RNGTT: variants seen among roughly 807,000 people sequenced by gnomAD.
RNGTT encodes RNA guanylyltransferase and 5'-phosphatase.
Under a neutral mutation model 79.3 loss-of-function variants are expected in RNGTT, and 33 were observed. The ratio of observed to expected loss-of-function variants is 0.42; its 90% CI spans 0.32 to 0.56. RNGTT has a LOEUF of 0.56. Ranked by LOEUF, RNGTT falls within the 20% of genes least tolerant of loss-of-function variation. RNGTT has a pLI of 0.17. For missense variants in RNGTT, 497 were observed against 739.1 expected (o/e 0.67, Z 3.80); for synonymous variants, 222 against 235.9 (o/e 0.94, Z 0.54).
intron 12 of RNGTT, among the ~76,000 whole-genome samples, chr6:88,773,429 C>G (rs1260543229): frequency 6.7e-6 from 1 of 149,856 alleles, no homozygotes; most frequent in African/African-American, 2.5e-5. Flanking sequence ...ATGTAACTAA[C>G]CTGCACATTG....
Position 88,611,714 on chromosome 6 carries a change from C to G in RNGTT, c.*1005G>C, listed in dbSNP as rs1203989620. 1 of 152,610 alleles carries G rather than the reference C, an allele frequency of 6.6e-6. No homozygotes were observed. The highest frequency in any genetic ancestry group is 2.4e-5 in the African/African-American group (1 of 41,460). The allele number at this position is 152,610 out of a possible 1,614,324, so 9.5% of individuals were successfully genotyped here. A position where few individuals can be genotyped will look rare whatever the true frequency, so the allele number is the denominator to read the frequency against. On this transcript the variant is annotated 3_prime_UTR_variant, in exon 16 of 16. Coordinates refer to ENST00000369485, the MANE Select transcript of RNGTT (RefSeq NM_003800.5). ...CTGCATTTATCTAGCAGTGGGAGAG[C>G]ATTTTCTGGTGACAGCATTCTATTC...
chr6:88,735,868 G>C (rs1582398821), intron 13 of RNGTT, among the ~76,000 whole-genome samples: 1 of 151,926 alleles, frequency 6.6e-6, no homozygotes, highest in East Asian at 1.9e-4. Flanking sequence ...GAACAACAGA[G>C]AATATCAATA....
intron 14 of RNGTT, among the ~76,000 whole-genome samples, chr6:88,656,815 C>A (rs1277321453): frequency 2.0e-5 from 3 of 151,330 alleles, no homozygotes; most frequent in East Asian, 1.9e-4. Flanking sequence ...GAAGGCCAGG[C>A]ACAGTGGCTC....
chr6:88,756,790 C>T (rs563966360), intron 13 of RNGTT, among the ~76,000 whole-genome samples: 58 of 152,076 alleles, frequency 3.8e-4, no homozygotes, highest in Non-Finnish European at 6.9e-4. Context: ...AAAAACATGG[C>T]TTTGGGGTTT....
chr6:88,834,200 T>C (rs1780983906), intron 11 of RNGTT, among the ~76,000 whole-genome samples: 1 of 145,138 alleles, frequency 6.9e-6, no homozygotes, highest in African/African-American at 2.4e-5. Flanking sequence ...ATATATGGCA[T>C]GAGATACAAT....
intron 13 of RNGTT, among the ~76,000 whole-genome samples, chr6:88,736,799 T>C (rs936321154): frequency 3.9e-5 from 6 of 152,224 alleles, no homozygotes; most frequent in Admixed American, 2.0e-4. Context: ...GCAGACTTCA[T>C]GGATTCTACA....
intron 1 of RNGTT, among the ~76,000 whole-genome samples, chr6:88,955,585 A>C (rs774842449): frequency 5.9e-4 from 89 of 151,422 alleles, no homozygotes; most frequent in Non-Finnish European, 2.9e-5. Flanking sequence ...AAAACATCTG[A>C]AGGAGCACAA....
chr6:88,860,963 G>C (rs556192864), intron 8 of RNGTT, among the ~76,000 whole-genome samples: 2 of 152,098 alleles, frequency 1.3e-5, no homozygotes, highest in Admixed American at 6.6e-5. Context: ...AATACCAAGG[G>C]TTACATAATA....
chr6:88,685,786 C>T (rs1165231787), intron 13 of RNGTT, among the ~76,000 whole-genome samples: 2 of 151,924 alleles, frequency 1.3e-5, no homozygotes, highest in African/African-American at 4.8e-5. Flanking sequence ...GAGAAGCTAA[C>T]TTTTTCAATT....
chr6:88,837,919 TA>T (rs1781136583), intron 11 of RNGTT, among the ~76,000 whole-genome samples: 1 of 152,158 alleles, frequency 6.6e-6, no homozygotes, highest in Non-Finnish European at 1.5e-5. Context: ...TGCCACAATT[TA>T]AAACTGTATT....
intron 6 of RNGTT, among the ~76,000 whole-genome samples, chr6:88,892,349 T>C (rs139120271): frequency 3.9e-5 from 6 of 152,202 alleles, no homozygotes; most frequent in Admixed American, 1.3e-4. Flanking sequence ...AGGCCTACAC[T>C]ATACCAACCA....
intron 8 of RNGTT, among the ~76,000 whole-genome samples, chr6:88,855,791 T>A (rs938910540): frequency 1.3e-5 from 2 of 152,184 alleles, no homozygotes; most frequent in African/African-American, 2.4e-5. Flanking sequence ...GAATACTTAG[T>A]TCGCAAGACC....
chr6:88,615,739 T>A (rs1227992410), intron 14 of RNGTT, among the ~76,000 whole-genome samples: 1 of 152,168 alleles, frequency 6.6e-6, no homozygotes, highest in African/African-American at 2.4e-5. Context: ...ATTTCTAAAA[T>A]GGGGAACAAG....
intron 12 of RNGTT, among the ~76,000 whole-genome samples, chr6:88,785,478 A>G (rs997087681): frequency 1.3e-5 from 2 of 151,938 alleles, no homozygotes; most frequent in African/African-American, 2.4e-5. Context: ...CTGTGCTCTA[A>G]AAGATGAACA....
At chr6:88,751,998 A>G (rs1481720087) in intron 13 of RNGTT, among the ~76,000 whole-genome samples, 1 of 151,932 alleles carries the variant, frequency 6.6e-6, no homozygotes, top group African/African-American at 2.4e-5. Flanking sequence ...GAATAGAGTA[A>G]CCTCTTCCAT....
intron 14 of RNGTT, among the ~76,000 whole-genome samples, chr6:88,664,841 A>G (rs1774335912): frequency 1.3e-5 from 2 of 152,194 alleles, no homozygotes; most frequent in South Asian, 4.1e-4. Context: ...GGGCAAGGAC[A>G]TTAAGTTTCT....
intron 11 of RNGTT, among the ~76,000 whole-genome samples, chr6:88,828,494 G>A (rs376912894): frequency 1.3e-5 from 2 of 152,128 alleles, no homozygotes; most frequent in African/African-American, 4.8e-5. Context: ...TCCTCCAAAG[G>A]ATCACAACTC....
At chr6:88,737,499 C>T (rs943096403) in intron 13 of RNGTT, among the ~76,000 whole-genome samples, 1 of 152,074 alleles carries the variant, frequency 6.6e-6, no homozygotes, top group African/African-American at 2.4e-5. Context: ...ATGTCTGTCC[C>T]CCCTCCCCAA....
rs79991879 is a variant in RNGTT at position 88,659,009 on chromosome 6, C to T, written c.1506+19344G>A. Among the ~76,000 whole-genome samples the T allele has an allele frequency of 5.9e-4, 90 of 152,306 alleles. No homozygotes were observed. In the East Asian group the frequency reaches 0.01, roughly 17 times the overall value. The stretch of plus-strand genomic sequence containing the variant: ...GCCTATTGTGGGACTTCACTGTGAT[C>T]GTGTGAGTCAATTCTCCTAATAAAC... On this transcript the variant is annotated intron_variant, in intron 14 of 15. Transcript: ENST00000369485.
Sources: allele counts gnomAD v4.1 joint callset (sites outside exome capture counted in the v4.1 genomes callset), GRCh38; gene constraint gnomAD v4.1.1; transcripts MANE v1.5; gene names NCBI Gene and HGNC (gene_info 2026-07-23, HGNC 2026-07-21).